Variants in DAP observed in about 807,000 individuals in gnomAD.
DAP encodes death-associated protein 1.
DAP carries 8 observed loss-of-function variants against 13.8 expected under a neutral mutation model. The ratio of observed to expected loss-of-function variants is 0.58; its 90% CI spans 0.34 to 1.05. The LOEUF (loss-of-function observed/expected upper bound fraction) is 1.05, where lower values mean the gene tolerates loss of function less well. Ranked by LOEUF, DAP falls within the 50% of genes least tolerant of loss-of-function variation. The pLI is 0.03. For missense variants in DAP, 106 were observed against 133.2 expected, an observed-to-expected ratio of 0.80 and a Z score of 1.01; for synonymous variants, 47 against 47.5, an observed-to-expected ratio of 0.99 and a Z score of 0.04.
chr5:10,686,639 G>A (rs1561005950), intron 2 of DAP, among the ~76,000 whole-genome samples: 2 of 152,224 alleles, frequency 1.3e-5, no homozygotes, highest in Admixed American at 1.3e-4. Flanking sequence ...GTTCTATGAA[G>A]GCTAAGAGAG....
intron 2 of DAP, among the ~76,000 whole-genome samples, chr5:10,689,941 A>G (rs1206542855): frequency 6.6e-6 from 1 of 152,194 alleles, no homozygotes; most frequent in Middle Eastern, 3.2e-3. Flanking sequence ...AACAGTGTGC[A>G]TTCCACCTAA....
At chr5:10,688,197 T>A (rs1420727947) in intron 2 of DAP, among the ~76,000 whole-genome samples, 3 of 152,080 alleles carry the variant, frequency 2.0e-5, no homozygotes, top group Non-Finnish European at 4.4e-5. Flanking sequence ...ATTGCAGGCA[T>A]GAGCCATCAC....
intron 2 of DAP, among the ~76,000 whole-genome samples, chr5:10,686,110 C>T (rs1738149316): frequency 2.0e-5 from 3 of 152,176 alleles, no homozygotes; most frequent in Admixed American, 6.5e-5. Flanking sequence ...GATGTTACTA[C>T]TGTAATTGTT....
chr5:10,712,185 G>A (rs954401437), intron 2 of DAP, among the ~76,000 whole-genome samples: 2 of 152,084 alleles, frequency 1.3e-5, no homozygotes, highest in African/African-American at 2.4e-5. Flanking sequence ...GGGAGAAGAC[G>A]GCCATCTACA....
rs1219082225 is a variant in DAP at position 10,733,846 on chromosome 5, G to A, written c.152+14329C>T. ...GATAATTATTACTGATTCAGCAAGT[G>A]TTTTCTGAGTGCTATGCCTTCTGAG... On this transcript the variant is annotated intron_variant, in intron 2 of 3. Transcript: ENST00000230895. 3 of 152,178 alleles carry A rather than the reference G, an allele frequency of 2.0e-5. No individual in the cohort carries two copies. The East Asian group carries it at 5.8e-4, about 29-fold the overall frequency. The allele number at this position is 152,178 out of a possible 1,614,324, so 9.4% of individuals were successfully genotyped here.
chr5:10,695,229 A>G (rs1249665817), intron 2 of DAP, among the ~76,000 whole-genome samples: 1 of 152,100 alleles, frequency 6.6e-6, no homozygotes, highest in Non-Finnish European at 1.5e-5. Flanking sequence ...CAACATTTCC[A>G]CAAGATGGCA....
At chr5:10,738,448 C>A (rs1382432439) in intron 2 of DAP, among the ~76,000 whole-genome samples, 1 of 152,080 alleles carries the variant, frequency 6.6e-6, no homozygotes, top group African/African-American at 2.4e-5. Flanking sequence ...GTGTCGTGTA[C>A]CTCCTGATCC....
chr5:10,693,689 C>A (rs1238307579), intron 2 of DAP, among the ~76,000 whole-genome samples: 1 of 149,836 alleles, frequency 6.7e-6, no homozygotes, highest in East Asian at 1.9e-4. Context: ...GCTCCAAGCC[C>A]AGTCCCCTCA....
At chr5:10,760,133 A>G (rs538049861) in intron 1 of DAP, among the ~76,000 whole-genome samples, 40 of 152,300 alleles carry the variant, frequency 2.6e-4, no homozygotes, top group Middle Eastern at 6.8e-3. Context: ...CTGTTCCTAC[A>G]AGACTGAGTT....
intron 2 of DAP, among the ~76,000 whole-genome samples, chr5:10,692,542 G>A (rs1347818457): frequency 6.6e-6 from 1 of 152,160 alleles, no homozygotes; most frequent in African/African-American, 2.4e-5. Context: ...CAGTCCTTTG[G>A]TATTTGAAGA....
chr5:10,760,595 CTAAT>C (rs1164702430), intron 1 of DAP, among the ~76,000 whole-genome samples: 1 of 152,240 alleles, frequency 6.6e-6, no homozygotes, highest in African/African-American at 2.4e-5. Flanking sequence ...CTGGCAGCCT[CTAAT>C]TAATCATCAC....
At chr5:10,748,003 C>T in intron 2 of DAP, 172 bp downstream of exon 2, 1 of 576,804 alleles carries the variant, frequency 1.7e-6, no homozygotes, top group Admixed American at 3.0e-5. Flanking sequence ...CTATTTTCTC[C>T]CCTGACTGAA....
chr5:10,747,945 CA>C lies in DAP; in HGVS notation c.152+229del, dbSNP rs1739950669. On this transcript the variant is annotated intron_variant, in intron 2 of 3. Coordinates refer to ENST00000230895, the MANE Select transcript of DAP (RefSeq NM_004394.3). Reference sequence around the variant, plus strand: ...CAGCCCCTGGGTGTGGGGTGGGGAACAGGGTGGGCGCGTGGCAACTGCTCAG... The same window carrying C: ...CAGCCCCTGGGTGTGGGGTGGGGAACGGGTGGGCGCGTGGCAACTGCTCAG... The C allele has an allele frequency of 1.2e-5, 5 of 432,502 alleles. No homozygotes were observed. In the South Asian group the frequency reaches 1.2e-4, roughly 11 times the overall value. 26.8% of individuals were successfully genotyped at this position (432,502 alleles called of 1,614,324 possible).
chr5:10,709,496 T>C (rs2126650710), intron 2 of DAP, among the ~76,000 whole-genome samples: 1 of 152,320 alleles, frequency 6.6e-6, no homozygotes, highest in African/African-American at 2.4e-5. Flanking sequence ...CCAACCTCAT[T>C]GCTTGGGTGT....
At chr5:10,713,331 C>A (rs1045947909) in intron 2 of DAP, among the ~76,000 whole-genome samples, 2 of 152,166 alleles carry the variant, frequency 1.3e-5, no homozygotes, top group Non-Finnish European at 2.9e-5. Context: ...GCAGTCAGAG[C>A]AGTTCCTTGT....
At chr5:10,756,805 T>C (rs911943986) in intron 1 of DAP, among the ~76,000 whole-genome samples, 4 of 152,232 alleles carry the variant, frequency 2.6e-5, no homozygotes, top group African/African-American at 9.6e-5. Context: ...GGCTTATAAT[T>C]AGGTCCTCTT....
intron 1 of DAP, among the ~76,000 whole-genome samples, chr5:10,751,925 G>A (rs1220907280): frequency 1.3e-5 from 2 of 152,210 alleles, no homozygotes; most frequent in Non-Finnish European, 2.9e-5. Context: ...GTGGTATTTT[G>A]TTAAGGCAGG....
chr5:10,694,388 AC>A (rs1738382858), intron 2 of DAP, among the ~76,000 whole-genome samples: 1 of 79,102 alleles, frequency 1.3e-5, no homozygotes, highest in Admixed American at 1.1e-4. Flanking sequence ...ATATGTGCAT[AC>A]ACACACACAC....
At chr5:10,723,505 G>A (rs774175997) in intron 2 of DAP, among the ~76,000 whole-genome samples, 9 of 152,206 alleles carry the variant, frequency 5.9e-5, no homozygotes, top group African/African-American at 7.2e-5. Context: ...AACTACTCTC[G>A]TGAAGCTCAT....
Sources: allele counts gnomAD v4.1 joint callset (sites outside exome capture counted in the v4.1 genomes callset), GRCh38; gene constraint gnomAD v4.1.1; transcripts MANE v1.5; gene names NCBI Gene and HGNC (gene_info 2026-07-23, HGNC 2026-07-21).